The following ANO9 variants were observed in gnomAD, a reference collection of about 807,000 sequenced individuals.
ANO9 encodes the protein anoctamin-9.
ANO9 carries 80 observed loss-of-function variants against 100.5 expected under a neutral mutation model. The observed-to-expected ratio is 0.80, with a 90% CI of 0.66 to 0.96. ANO9 has a LOEUF of 0.96. Among genes scored for constraint, ANO9 ranks in the 40% least tolerant of loss-of-function variants. The pLI is 0.00. For synonymous variants in ANO9, 473 were observed against 435.6 expected, an observed-to-expected ratio of 1.09 and a Z score of -1.07; for missense variants, 1,064 against 1,072.7, an observed-to-expected ratio of 0.99 and a Z score of 0.11.
At chr11:425,991 C>CA (rs1273738437) in intron 15 of ANO9, among the ~76,000 whole-genome samples, 1 of 152,154 alleles carries the variant, frequency 6.6e-6, no homozygotes, top group East Asian at 1.9e-4. Flanking sequence ...CTCGGCCTCC[C>CA]AAAGTGCTGA....
intron 1 of ANO9, among the ~76,000 whole-genome samples, chr11:441,467 C>T (rs1317687745): frequency 1.3e-5 from 2 of 152,116 alleles, no homozygotes; most frequent in Non-Finnish European, 2.9e-5. Context: ...GGCCACTCTG[C>T]AGCTCCCAAC....
At chr11:427,243 A>G (rs1486242022) in intron 15 of ANO9, among the ~76,000 whole-genome samples, 3 of 151,974 alleles carry the variant, frequency 2.0e-5, no homozygotes, top group Non-Finnish European at 2.9e-5. Flanking sequence ...CCAGCCACTC[A>G]GGAGGCTGAG....
chr11:434,545 T>C (rs1849301817), intron 1 of ANO9, among the ~76,000 whole-genome samples: 1 of 152,182 alleles, frequency 6.6e-6, no homozygotes, highest in Non-Finnish European at 1.5e-5. Context: ...TGTTGGACTG[T>C]TTTTAAAATT....
In ANO9 at chr11:432,113, C is replaced by T. The variant is rs971822159; in HGVS notation, c.351-59G>A. On this transcript the variant is annotated intron_variant, in intron 4 of 22. Transcript: ENST00000332826. This position sits in a 1 kb window ranked among gnomAD's most constrained non-coding sequence, Gnocchi z 4.8. ...CACAGTGGACCCTGCCTCCAGGTCT[C>T]AACCTGCCCTCTGGTCTGGCCAGGC... 1 of 1,588,536 alleles carries T rather than the reference C, an allele frequency of 6.3e-7. No homozygotes were observed. The highest frequency in any genetic ancestry group is 8.6e-7 in the Non-Finnish European group (1 of 1,161,898).
At chr11:441,570 C>A (rs958163966) in intron 1 of ANO9, among the ~76,000 whole-genome samples, 2 of 152,202 alleles carry the variant, frequency 1.3e-5, no homozygotes, top group Non-Finnish European at 2.9e-5. Context: ...CAGCAGCAGC[C>A]CCCGCCTCGG....
intron 15 of ANO9, among the ~76,000 whole-genome samples, chr11:425,069 AC>A (rs1848420651): frequency 1.5e-5 from 1 of 68,302 alleles, no homozygotes; most frequent in Non-Finnish European, 2.9e-5. Flanking sequence ...GCGTGGAGAG[AC>A]GGGACGCGCG....
intron 15 of ANO9, among the ~76,000 whole-genome samples, chr11:424,320 T>C (rs1259976579): frequency 6.6e-6 from 1 of 152,266 alleles, no homozygotes; most frequent in African/African-American, 2.4e-5. Flanking sequence ...CACGCTGTTT[T>C]CCGAGAGACC....
rs1160860654 is a variant in ANO9, at chr11:437,104, C to T, written c.7-3006G>A. On this transcript the variant is annotated intron_variant, in intron 1 of 22. Transcript: ENST00000332826. ...TGGGCTCCATGTCCCATCAGATCAGCGGCGGCATTAGATCCTCACAGGAGG... is the reference window on the plus strand; with the variant it reads ...TGGGCTCCATGTCCCATCAGATCAGTGGCGGCATTAGATCCTCACAGGAGG... Among the ~76,000 whole-genome samples the T allele has an allele frequency of 6.5e-5, 9 of 138,684 alleles. No individual in the cohort carries two copies. The Admixed American group carries it at 6.6e-4, about 10-fold the overall frequency. The allele number at this position is 138,684 out of a possible 152,430, so 91.0% of individuals were successfully genotyped here.
intron 1 of ANO9, among the ~76,000 whole-genome samples, chr11:439,936 A>G (rs1309885715): frequency 6.6e-6 from 1 of 152,202 alleles, no homozygotes; most frequent in Non-Finnish European, 1.5e-5. Flanking sequence ...CCTCCCAGGC[A>G]GTGCGTGGCG....
At position 420,854 on chromosome 11, in the gene ANO9, C is replaced by A; in HGVS notation, c.1497G>T (p.Val499=). The A allele has an allele frequency of 1.3e-6, 2 of 1,590,542 alleles. No homozygotes were observed. The highest frequency in any genetic ancestry group is 1.1e-5 in the South Asian group (1 of 89,568). The change falls in exon 18 of 23, where the codon GTG becomes GTT. Residue 499 remains valine, a synonymous_variant. Coordinates refer to ENST00000332826, the MANE Select transcript of ANO9 (RefSeq NM_001012302.3). ...SNCVEYLVPW[V]THKCRSLRAS... ...CCCGCAGAGAGCGGCACTTGTGGGT[C>A]ACCCACCTGCGGGGAGAGCTGCGTG...
At chr11:439,249 T>C (rs940775774) in intron 1 of ANO9, among the ~76,000 whole-genome samples, 1 of 152,226 alleles carries the variant, frequency 6.6e-6, no homozygotes, top group African/African-American at 2.4e-5. Flanking sequence ...GGCACCCCCA[T>C]TGTGGGCATA....
At position 434,407 on chromosome 11, in the gene ANO9, G is replaced by A. The variant is rs962180349; in HGVS notation, c.7-309C>T. Among the ~76,000 whole-genome samples the A allele has an allele frequency of 3.9e-5, 6 of 152,222 alleles. No individual in the cohort carries two copies. In the South Asian group the frequency reaches 6.2e-4, roughly 16 times the overall value. ...GCACGCTGAGCAGCCCACAGGGGAAGCGACGGGAACTCCAGAACAGCCAAG... is the reference window on the plus strand; with the variant it reads ...GCACGCTGAGCAGCCCACAGGGGAAACGACGGGAACTCCAGAACAGCCAAG... On this transcript the variant is annotated intron_variant, in intron 1 of 22. Coordinates refer to ENST00000332826, the MANE Select transcript of ANO9 (RefSeq NM_001012302.3).
In ANO9 at chr11:418,975, T is replaced by C. The variant is rs747785580; in HGVS notation, c.1949A>G (p.Tyr650Cys). ...GAAGACGGACAGGCTGTGGTTGACG[T>C]AGCCCTTGAGGCAGCTGGGGAGAGG... ...GNSTVDCLKGYVNHSLSVFHT... is the reference protein window; with the variant it reads ...GNSTVDCLKGCVNHSLSVFHT... The change falls in exon 21 of 23, where the codon TAC (tyrosine) becomes TGC (cysteine). Residue 650 changes from tyrosine (Y) to cysteine (C), a missense_variant. Transcript: ENST00000332826. The C allele has an allele frequency of 6.2e-7, 1 of 1,612,700 alleles. No individual in the cohort carries two copies. Among genetic ancestry groups the C allele is most frequent in the Admixed American group, 1.7e-5 (1 of 59,944 alleles).
At chr11:428,683 G>C (rs1848677879) in intron 12 of ANO9, 39 bp downstream of exon 12, 1 of 1,612,164 alleles carries the variant, frequency 6.2e-7, no homozygotes, top group African/African-American at 1.3e-5. Flanking sequence ...AGGGCATGCA[G>C]CCCGGGTCTC....
intron 7 of ANO9, among the ~76,000 whole-genome samples, chr11:431,368 T>G (rs1311629397): frequency 2.9e-4 from 13 of 45,508 alleles, no homozygotes; most frequent in South Asian, 1.1e-3. Flanking sequence ...TCTGCGGGGG[T>G]GTGGGGGCTC....
intron 19 of ANO9, 65 bp downstream of exon 19, chr11:420,398 C>G (rs551435916): frequency 1.3e-6 from 2 of 1,573,256 alleles, no homozygotes; most frequent in Non-Finnish European, 1.7e-6. Context: ...CCGGCCTGGC[C>G]AGCGGGAAGC....
chr11:427,311 C>T (rs1413642512), intron 15 of ANO9, among the ~76,000 whole-genome samples: 1 of 152,104 alleles, frequency 6.6e-6, no homozygotes, highest in Non-Finnish European at 1.5e-5. Flanking sequence ...GATCATGCTA[C>T]TGCACTCCAG....
At chr11:437,334 C>G (rs935250239) in intron 1 of ANO9, among the ~76,000 whole-genome samples, 2 of 152,166 alleles carry the variant, frequency 1.3e-5, no homozygotes, top group Non-Finnish European at 2.9e-5. Flanking sequence ...TCCGACGCCC[C>G]GGTCACAGGG....
chr11:419,945 C>G, intron 19 of ANO9: 1 of 1,404,296 alleles, frequency 7.1e-7, no homozygotes, highest in Non-Finnish European at 9.2e-7. Flanking sequence ...CAGGGAGGAA[C>G]CTGGGAATCC....
Sources: allele counts gnomAD v4.1 joint callset (sites outside exome capture counted in the v4.1 genomes callset), GRCh38; gene constraint gnomAD v4.1.1; non-coding constraint Gnocchi (gnomAD v3.1); transcripts MANE v1.5; gene names NCBI Gene and HGNC (gene_info 2026-07-23, HGNC 2026-07-21).